The following RERG variants were observed in gnomAD, a reference collection of about 807,000 sequenced individuals.
RERG encodes the protein ras-related and estrogen-regulated growth inhibitor.
RERG carries 25 observed loss-of-function variants against 23.2 expected under a neutral mutation model. That is an observed-to-expected ratio of 1.08 (90% CI 0.79 to 1.50). The LOEUF (loss-of-function observed/expected upper bound fraction) is 1.50, where lower values mean the gene tolerates loss of function less well. RERG is among the 40% of genes most tolerant of loss of function. The pLI, the probability that RERG is intolerant of heterozygous loss-of-function variation, is 0.00. For missense variants in RERG, 253 were observed against 250.1 expected (o/e 1.01, Z -0.08); for synonymous variants, 81 against 89.1 (o/e 0.91, Z 0.51).
chr12:15,145,291 A>C (rs987820856), intron 2 of RERG, among the ~76,000 whole-genome samples: 3 of 152,260 alleles, frequency 2.0e-5, no homozygotes, highest in Non-Finnish European at 4.4e-5. Flanking sequence ...TCTTAGGCTG[A>C]GCCAGTGACC....
At chr12:15,218,878 TA>T (rs1350023606) in intron 1 of RERG, among the ~76,000 whole-genome samples, 2 of 152,100 alleles carry the variant, frequency 1.3e-5, no homozygotes, top group African/African-American at 4.8e-5. Flanking sequence ...TTAATCACTC[TA>T]AAAGCATGGT....
intron 2 of RERG, among the ~76,000 whole-genome samples, chr12:15,138,331 C>T (rs35892598): frequency 0.2 from 30,879 of 151,834 alleles, 3,277 homozygotes; most frequent in Admixed American, 0.26. Context: ...ATTTGTACCA[C>T]AGTTGTACCA....
intron 2 of RERG, among the ~76,000 whole-genome samples, chr12:15,216,295 G>A (rs986859611): frequency 6.6e-6 from 1 of 152,208 alleles, no homozygotes; most frequent in Non-Finnish European, 1.5e-5. Context: ...TCCTTGTGTG[G>A]TTTCTGCCAG....
intron 2 of RERG, among the ~76,000 whole-genome samples, chr12:15,157,722 A>T (rs1010329694): frequency 6.6e-6 from 1 of 152,192 alleles, no homozygotes; most frequent in Non-Finnish European, 1.5e-5. Context: ...TTTCTTTTTC[A>T]TCACAGTACA....
rs1863527418 is a variant in RERG at position 15,107,965 on chromosome 12, C to A, written c.*1145G>T. Reference sequence around the variant, plus strand: ...ATATATTTTCTACTAAAATAAAGTACCCAAATCTTGATATATATAGGGGCA... The same window carrying A: ...ATATATTTTCTACTAAAATAAAGTAACCAAATCTTGATATATATAGGGGCA... On this transcript the variant is annotated 3_prime_UTR_variant, in exon 5 of 5. Coordinates refer to ENST00000256953, the MANE Select transcript of RERG (RefSeq NM_032918.3). 1 of 152,424 alleles carries A rather than the reference C, an allele frequency of 6.6e-6. No homozygotes were observed. The allele number at this position is 152,424 out of a possible 1,614,324, so 9.4% of individuals were successfully genotyped here. A position where few individuals can be genotyped will look rare whatever the true frequency, so the allele number is the denominator to read the frequency against.
intron 2 of RERG, among the ~76,000 whole-genome samples, chr12:15,134,287 T>C (rs1864105813): frequency 6.6e-6 from 1 of 152,156 alleles, no homozygotes; most frequent in Admixed American, 6.6e-5. Context: ...ATAATATCTA[T>C]ATCCAGGTTC....
chr12:15,172,287 T>C lies in RERG; in HGVS notation c.61+45142A>G, dbSNP rs374226824. Among the ~76,000 whole-genome samples the C allele has an allele frequency of 1.7e-3, 255 of 152,320 alleles. 1 individual carries two copies. The highest frequency in any genetic ancestry group is 2.5e-3 in the Non-Finnish European group (168 of 68,008). On this transcript the variant is annotated intron_variant, in intron 2 of 4. Coordinates refer to ENST00000256953, the MANE Select transcript of RERG (RefSeq NM_032918.3). The stretch of plus-strand genomic sequence containing the variant: ...CTTAGCATAATGTTTTCAAGATTCA[T>C]CCATGTTATAGCATGTTTGAGTAAG...
chr12:15,143,522 T>G lies in RERG; in HGVS notation c.62-22403A>C, dbSNP rs988766453. 7.2e-5 allele frequency among the ~76,000 whole-genome samples: 11 copies of G among 152,162 alleles called. 1 individual carries two copies. The highest frequency in any genetic ancestry group is 1.2e-4 in the Non-Finnish European group (8 of 68,042). ...CATTCATGAAACAAATATTAACTAA[T>G]ACCTACTATGTGCATGGCAATGAGC... On this transcript the variant is annotated intron_variant, in intron 2 of 4. Coordinates refer to ENST00000256953, the MANE Select transcript of RERG (RefSeq NM_032918.3).
chr12:15,175,490 T>C (rs1864838297), intron 2 of RERG, among the ~76,000 whole-genome samples: 1 of 151,696 alleles, frequency 6.6e-6, no homozygotes, highest in African/African-American at 2.4e-5. Flanking sequence ...GACTAGAGAC[T>C]GGGGCCGTCT....
intron 2 of RERG, among the ~76,000 whole-genome samples, chr12:15,186,619 G>A (rs1234445932): frequency 6.6e-6 from 1 of 151,888 alleles, no homozygotes; most frequent in African/African-American, 2.4e-5. Context: ...AAAAGGAGGA[G>A]GAGAAAACAT....
At chr12:15,120,904 A>C (rs904690021) in intron 3 of RERG, among the ~76,000 whole-genome samples, 159 bp downstream of exon 3, 1 of 152,206 alleles carries the variant, frequency 6.6e-6, no homozygotes, top group African/African-American at 2.4e-5. Flanking sequence ...GACAGCATGA[A>C]ACACACATCT....
chr12:15,180,355 G>A (rs1402602996), intron 2 of RERG, among the ~76,000 whole-genome samples: 1 of 152,138 alleles, frequency 6.6e-6, no homozygotes, highest in Non-Finnish European at 1.5e-5. Context: ...CAGTCTCCCA[G>A]AACTGTCCAC....
At chr12:15,130,166 C>T (rs757684011) in intron 2 of RERG, among the ~76,000 whole-genome samples, 2 of 152,096 alleles carry the variant, frequency 1.3e-5, no homozygotes, top group Non-Finnish European at 2.9e-5. Flanking sequence ...GAATGTTTAT[C>T]ATGCTCCAGG....
At chr12:15,148,054 T>C (rs1864363954) in intron 2 of RERG, among the ~76,000 whole-genome samples, 1 of 152,206 alleles carries the variant, frequency 6.6e-6, no homozygotes, top group Admixed American at 6.5e-5. Flanking sequence ...ATAATATTTA[T>C]GTAAGGTCAT....
At chr12:15,198,192 C>T (rs1212309807) in intron 2 of RERG, among the ~76,000 whole-genome samples, 2 of 152,096 alleles carry the variant, frequency 1.3e-5, no homozygotes, top group Non-Finnish European at 2.9e-5. Context: ...CTAGATGGTT[C>T]AACTTACTGT....
intron 2 of RERG, among the ~76,000 whole-genome samples, chr12:15,186,991 C>T (rs1200006816): frequency 6.6e-6 from 1 of 152,052 alleles, no homozygotes; most frequent in Non-Finnish European, 1.5e-5. Context: ...AAAAAATTAA[C>T]ATGGGGATAA....
intron 2 of RERG, among the ~76,000 whole-genome samples, chr12:15,133,171 A>ATATC (rs1430020166): frequency 6.9e-6 from 1 of 145,402 alleles, no homozygotes; most frequent in African/African-American, 2.6e-5. Context: ...ATATATATAT[A>ATATC]TATGTACATG....
chr12:15,136,989 T>C (rs1238123669), intron 2 of RERG, among the ~76,000 whole-genome samples: 1 of 151,968 alleles, frequency 6.6e-6, no homozygotes, highest in Non-Finnish European at 1.5e-5. Flanking sequence ...CCATTTCTGA[T>C]AGCAAGGTGT....
intron 2 of RERG, among the ~76,000 whole-genome samples, chr12:15,178,024 T>TCAA (rs1864876197): frequency 6.6e-6 from 1 of 152,124 alleles, no homozygotes; most frequent in African/African-American, 2.4e-5. Context: ...TTTTAGCTTC[T>TCAA]TTCTCAAATA....
Sources: gnomAD v4.1 joint callset for allele counts (sites outside exome capture counted in the v4.1 genomes callset) on GRCh38, gnomAD v4.1.1 for gene constraint, MANE v1.5 for transcripts, NCBI Gene and HGNC (gene_info 2026-07-23, HGNC 2026-07-21) for gene names.